The following NTM variants were observed in gnomAD, a reference collection of about 807,000 sequenced individuals.
NTM encodes neurotrimin, also known as IgLON family member 2.
In NTM, 13 loss-of-function variants were observed where a neutral mutation model predicts 42.1. The observed-to-expected ratio is 0.31, with a 90% CI of 0.20 to 0.49. The LOEUF (loss-of-function observed/expected upper bound fraction) is 0.49. Among genes scored for constraint, NTM ranks in the 20% least tolerant of loss-of-function variants. NTM has a pLI of 0.99. For missense variants in NTM, 373 were observed against 452.8 expected (o/e 0.82, Z 1.60); for synonymous variants, 187 against 179.2 (o/e 1.04, Z -0.35).
chr11:131,887,274 A>G (rs895528184), intron 1 of NTM, among the ~76,000 whole-genome samples: 7 of 152,226 alleles, frequency 4.6e-5, no homozygotes, highest in Non-Finnish European at 8.8e-5. Context: ...ATACAGTTTT[A>G]TTTGTCAATT....
At chr11:131,926,613 A>G (rs1432363816) in intron 2 of NTM, among the ~76,000 whole-genome samples, 2 of 152,204 alleles carry the variant, frequency 1.3e-5, no homozygotes, top group Non-Finnish European at 2.9e-5. Context: ...TGCTCTTTCC[A>G]TGTCAAGATT....
intron 1 of NTM, among the ~76,000 whole-genome samples, chr11:131,875,834 C>T (rs1207063133): frequency 6.6e-6 from 1 of 152,130 alleles, no homozygotes; most frequent in East Asian, 1.9e-4. Context: ...TTTGTTTATT[C>T]TCGATTACTC....
At chr11:132,273,694 G>A (rs1018227897) in intron 4 of NTM, among the ~76,000 whole-genome samples, 1 of 152,072 alleles carries the variant, frequency 6.6e-6, no homozygotes, top group South Asian at 2.1e-4. Flanking sequence ...ATCACATGAG[G>A]TCAGGAGTTC....
In NTM at chr11:131,676,599, G is replaced by A. The variant is rs2071447214; in HGVS notation, c.83-234965G>A. On this transcript the variant is annotated intron_variant, in intron 1 of 8. Coordinates refer to ENST00000683400, the MANE Select transcript of NTM (RefSeq NM_001352005.2). ...CGACCTTCACAATTCCATATTTTCA[G>A]GAAGTCTATAATTAAATGTTTTAAC... Among the ~76,000 whole-genome samples, 4 of 152,304 alleles carry A rather than the reference G, an allele frequency of 2.6e-5. No individual in the cohort carries two copies. In the South Asian group the frequency reaches 8.3e-4, roughly 32 times the overall value.
chr11:131,430,064 C>T (rs570840951), intron 1 of NTM, among the ~76,000 whole-genome samples: 1 of 152,222 alleles, frequency 6.6e-6, no homozygotes, highest in South Asian at 2.1e-4. Flanking sequence ...TCATTAAATA[C>T]CTATTTGTGG....
At chr11:131,621,825 GA>G (rs34307645) in intron 1 of NTM, among the ~76,000 whole-genome samples, 11,508 of 105,656 alleles carry the variant, frequency 0.11, 588 homozygotes, top group Middle Eastern at 0.2. Flanking sequence ...TCAACTCAAA[GA>G]AAAAAAAAAA....
chr11:131,980,792 G>A (rs1441788626), intron 2 of NTM, among the ~76,000 whole-genome samples: 1 of 152,184 alleles, frequency 6.6e-6, no homozygotes, highest in Admixed American at 6.5e-5. Context: ...AATCCGGAGT[G>A]ACCAATTCTA....
At chr11:131,408,808 A>C (rs1015326134) in intron 1 of NTM, among the ~76,000 whole-genome samples, 6 of 152,212 alleles carry the variant, frequency 3.9e-5, no homozygotes, top group Non-Finnish European at 8.8e-5. Context: ...ATCATCTGCA[A>C]AACTTTTGTC....
chr11:131,420,443 G>T (rs1209423743), intron 1 of NTM, among the ~76,000 whole-genome samples: 1 of 152,180 alleles, frequency 6.6e-6, no homozygotes, highest in African/African-American at 2.4e-5. Context: ...TTTGGTCCTC[G>T]GCATTTCAGA....
intron 1 of NTM, among the ~76,000 whole-genome samples, chr11:131,637,076 T>C (rs2064493930): frequency 6.6e-6 from 1 of 152,134 alleles, no homozygotes; most frequent in South Asian, 2.1e-4. Flanking sequence ...CATCTGCTTC[T>C]TAGTCCAAGT....
intron 4 of NTM, among the ~76,000 whole-genome samples, chr11:132,256,772 A>G (rs2092509270): frequency 6.6e-6 from 1 of 152,086 alleles, no homozygotes; most frequent in South Asian, 2.1e-4. Flanking sequence ...AGGTGGGCCA[A>G]TCAGCCCCAC....
intron 1 of NTM, among the ~76,000 whole-genome samples, chr11:131,495,292 C>A (rs777277550): frequency 6.6e-6 from 1 of 152,214 alleles, no homozygotes; most frequent in Non-Finnish European, 1.5e-5. Context: ...CCCACACTCC[C>A]CCGCCCCTGT....
At chr11:131,937,727 A>AT (rs1229214144) in intron 2 of NTM, among the ~76,000 whole-genome samples, 2 of 152,110 alleles carry the variant, frequency 1.3e-5, no homozygotes, top group African/African-American at 2.4e-5. Flanking sequence ...ATAAATTATA[A>AT]TTTTTTACTT....
At chr11:131,571,133 C>T (rs1352238228) in intron 1 of NTM, among the ~76,000 whole-genome samples, 1 of 152,220 alleles carries the variant, frequency 6.6e-6, no homozygotes, top group Non-Finnish European at 1.5e-5. Context: ...ATAGTGGCTC[C>T]TCATGGCATT....
intron 1 of NTM, among the ~76,000 whole-genome samples, chr11:131,409,941 T>C (rs1481250375): frequency 6.6e-6 from 1 of 151,948 alleles, no homozygotes; most frequent in Non-Finnish European, 1.5e-5. Context: ...ATCTCAGCAA[T>C]TAATACAAAA....
intron 8 of NTM, chr11:132,332,689 T>C (rs1343547687): frequency 6.6e-6 from 1 of 152,082 alleles, no homozygotes; most frequent in Admixed American, 6.6e-5. Context: ...ACAGGGGGTG[T>C]TTGCCCGCTC....
chr11:131,750,411 T>G (rs1255144036), intron 1 of NTM, among the ~76,000 whole-genome samples: 2 of 152,296 alleles, frequency 1.3e-5, no homozygotes, highest in Admixed American at 6.5e-5. Context: ...TCCCCAGAGC[T>G]TGCCACACTG....
At chr11:132,032,026 C>G (rs1291206962) in intron 2 of NTM, among the ~76,000 whole-genome samples, 1 of 152,014 alleles carries the variant, frequency 6.6e-6, no homozygotes, top group Non-Finnish European at 1.5e-5. Flanking sequence ...CAACTGAAGT[C>G]TGTATTATGA....
At chr11:132,208,397 C>G (rs1442417546) in intron 3 of NTM, among the ~76,000 whole-genome samples, 1 of 152,220 alleles carries the variant, frequency 6.6e-6, no homozygotes, top group Non-Finnish European at 1.5e-5. Flanking sequence ...ATCTGTCTTT[C>G]TCACTCACCC....
Sources: gnomAD v4.1 joint callset for allele counts (sites outside exome capture counted in the v4.1 genomes callset) on GRCh38, gnomAD v4.1.1 for gene constraint, MANE v1.5 for transcripts, NCBI Gene and HGNC (gene_info 2026-07-23, HGNC 2026-07-21) for gene names.